The following PRR5L variants were observed in gnomAD, a reference collection of about 807,000 sequenced individuals.
The protein encoded by PRR5L is proline rich 5 like, also known as proline-rich protein 5-like.
A neutral mutation model predicts 36.4 loss-of-function variants in PRR5L; 21 were observed. That is an observed-to-expected ratio of 0.58 (90% CI 0.41 to 0.83). PRR5L has a LOEUF of 0.83. Ranked by LOEUF, PRR5L falls within the 40% of genes least tolerant of loss-of-function variation. The pLI, the probability that PRR5L is intolerant of heterozygous loss-of-function variation, is 0.00. For synonymous variants in PRR5L, 188 were observed against 197.0 expected, an observed-to-expected ratio of 0.95 and a Z score of 0.38; for missense variants, 381 against 473.3, an observed-to-expected ratio of 0.80 and a Z score of 1.81.
At chr11:36,392,735 C>T (rs191309042) in intron 1 of PRR5L, among the ~76,000 whole-genome samples, 2 of 152,032 alleles carry the variant, frequency 1.3e-5, no homozygotes, top group South Asian at 2.1e-4. Flanking sequence ...GAGAGAGAGA[C>T]AGAGAGCAAG....
At chr11:36,419,386 T>C in intron 4 of PRR5L, 83 bp downstream of exon 4, 1 of 1,197,382 alleles carries the variant, frequency 8.4e-7, no homozygotes, top group East Asian at 2.3e-5. Flanking sequence ...ACTGTACAGT[T>C]GGACATTCCT....
rs780266030 is a variant in PRR5L, at chr11:36,451,189, C to A, written c.586-20C>A. ...GCAATGAACACTGACCTTTGTGTAT[C>A]TTGGCTGTTCATTTTCCAGAGTGTT... On this transcript the variant is annotated intron_variant, in intron 7 of 8. Coordinates refer to ENST00000530639, the MANE Select transcript of PRR5L (RefSeq NM_001160167.2). The A allele has an allele frequency of 1.2e-6, 2 of 1,613,602 alleles. No individual in the cohort carries two copies. Among genetic ancestry groups the A allele is most frequent in the Non-Finnish European group, 1.7e-6 (2 of 1,179,688 alleles).
intron 3 of PRR5L, among the ~76,000 whole-genome samples, chr11:36,410,236 G>A (rs1048465012): frequency 2.0e-5 from 3 of 152,166 alleles, no homozygotes; most frequent in Non-Finnish European, 4.4e-5. Context: ...TAGAAATCTG[G>A]ACATCTCACC....
At chr11:36,309,506 A>G (rs1446651601) in intron 1 of PRR5L, among the ~76,000 whole-genome samples, 1 of 150,626 alleles carries the variant, frequency 6.6e-6, no homozygotes, top group Non-Finnish European at 1.5e-5. Flanking sequence ...CAAACTGTAC[A>G]TTTAGTGATG....
intron 1 of PRR5L, among the ~76,000 whole-genome samples, chr11:36,397,112 G>C (rs182638113): frequency 1.4e-5 from 2 of 147,194 alleles, no homozygotes; most frequent in East Asian, 4.0e-4. Context: ...CTGTTGCCCA[G>C]GCTGGAGTGC....
At chr11:36,430,266 G>T (rs1165017767) in intron 4 of PRR5L, among the ~76,000 whole-genome samples, 1 of 152,080 alleles carries the variant, frequency 6.6e-6, no homozygotes, top group Non-Finnish European at 1.5e-5. Context: ...ACAAAAATTA[G>T]CTGGGCATGG....
intron 1 of PRR5L, chr11:36,321,749 A>T (rs1451224554): frequency 6.6e-6 from 1 of 152,216 alleles, no homozygotes; most frequent in Non-Finnish European, 1.5e-5. Context: ...TTTAAACAAC[A>T]GACATTTATT....
intron 4 of PRR5L, among the ~76,000 whole-genome samples, chr11:36,421,742 CA>C (rs1483167589): frequency 6.6e-6 from 1 of 151,744 alleles, no homozygotes; most frequent in Non-Finnish European, 1.5e-5. Context: ...CATTAAATAA[CA>C]TTAGGGCTTG....
intron 4 of PRR5L, among the ~76,000 whole-genome samples, chr11:36,425,041 C>T (rs577021059): frequency 5.5e-4 from 83 of 152,240 alleles, no homozygotes; most frequent in Middle Eastern, 6.8e-3. Context: ...AGGCTGGTCT[C>T]GAACTCCTGA....
chr11:36,311,627 G>A (rs1182229518), intron 1 of PRR5L, among the ~76,000 whole-genome samples: 1 of 152,190 alleles, frequency 6.6e-6, no homozygotes, highest in Non-Finnish European at 1.5e-5. Context: ...TCTGGGCTGA[G>A]GAGAAATGGG....
At position 36,463,655 on chromosome 11, in the gene PRR5L, AT is replaced by A. The variant is rs148365574; in HGVS notation, c.*920del. Reference sequence around the variant, plus strand: ...AAATGTGTATCGTTTAAAAAAAAAAATGTTTGCAAATTTTGCACATAGGATC... The same window carrying A: ...AAATGTGTATCGTTTAAAAAAAAAAAGTTTGCAAATTTTGCACATAGGATC... On this transcript the variant is annotated 3_prime_UTR_variant, in exon 9 of 9. Transcript: ENST00000530639. 0.14 allele frequency: 21,201 copies of A among 151,172 alleles called. 1,537 individuals carry two copies. Among genetic ancestry groups the A allele is most frequent in the African/African-American group, 0.17 (6,817 of 41,028 alleles). 9.4% of individuals were successfully genotyped at this position (151,172 alleles called of 1,614,324 possible).
At chr11:36,440,040 T>C (rs1416755577) in intron 6 of PRR5L, among the ~76,000 whole-genome samples, 1 of 152,182 alleles carries the variant, frequency 6.6e-6, no homozygotes, top group Non-Finnish European at 1.5e-5. Flanking sequence ...AAGCCAGTGC[T>C]CTGGTTAATG....
At chr11:36,326,940 A>T (rs1856668815) in intron 1 of PRR5L, among the ~76,000 whole-genome samples, 1 of 152,192 alleles carries the variant, frequency 6.6e-6, no homozygotes, top group African/African-American at 2.4e-5. Flanking sequence ...ATGAAACAGG[A>T]GGGTGGTTTG....
intron 1 of PRR5L, among the ~76,000 whole-genome samples, chr11:36,373,965 T>A (rs1857223083): frequency 6.6e-6 from 1 of 152,224 alleles, no homozygotes; most frequent in South Asian, 2.1e-4. Context: ...ACATCAGATT[T>A]GTTTAACTGA....
At chr11:36,334,053 T>G (rs1043318141) in intron 1 of PRR5L, among the ~76,000 whole-genome samples, 10 of 152,138 alleles carry the variant, frequency 6.6e-5, no homozygotes, top group African/African-American at 1.9e-4. Flanking sequence ...GGCTGCACCA[T>G]GGAGGAAGGG....
rs370534603 is a variant in PRR5L at position 36,400,331 on chromosome 11, A to ATGAG, written c.-125-662_-125-659dup. Among the ~76,000 whole-genome samples, 795 of 152,308 alleles carry ATGAG rather than the reference A, an allele frequency of 5.2e-3. 8 individuals carry two copies. Among genetic ancestry groups the ATGAG allele is most frequent in the African/African-American group, 0.018 (749 of 41,564 alleles). On this transcript the variant is annotated intron_variant, in intron 1 of 8. Coordinates refer to ENST00000530639, the MANE Select transcript of PRR5L (RefSeq NM_001160167.2). ...TAGCTGCTCAATAAATATTTATTGC[A>ATGAG]TGAGTGAATACTTGAAAAGACTGTT...
chr11:36,321,871 C>T (rs1165461367), intron 1 of PRR5L, among the ~76,000 whole-genome samples: 7 of 152,200 alleles, frequency 4.6e-5, no homozygotes, highest in Non-Finnish European at 2.9e-5. Flanking sequence ...TGTGTCTTCA[C>T]GGGGCCTTCC....
chr11:36,429,057 G>T (rs1017232122), intron 4 of PRR5L, among the ~76,000 whole-genome samples: 3 of 151,982 alleles, frequency 2.0e-5, no homozygotes, highest in South Asian at 2.1e-4. Context: ...ATATAAAAAA[G>T]ATTTTTTTTC....
intron 1 of PRR5L, among the ~76,000 whole-genome samples, chr11:36,397,443 CTTTTTTTTTTTTTT>C (rs34024197): frequency 2.9e-5 from 1 of 35,078 alleles, no homozygotes; most frequent in Non-Finnish European, 4.9e-5. Flanking sequence ...CAGCCGATGC[CTTTTTTTTTTTTTT>C]TTTTTTTTTT....
Sources: gnomAD v4.1 joint callset for allele counts (sites outside exome capture counted in the v4.1 genomes callset) on GRCh38, gnomAD v4.1.1 for gene constraint, MANE v1.5 for transcripts, NCBI Gene and HGNC (gene_info 2026-07-23, HGNC 2026-07-21) for gene names.